Variants in ZSCAN29 observed in about 807,000 individuals in gnomAD.
The protein encoded by ZSCAN29 is zinc finger and SCAN domain containing 29.
ZSCAN29 carries 55 observed loss-of-function variants against 71.9 expected under a neutral mutation model. That is an observed-to-expected ratio of 0.76 (90% CI 0.62 to 0.96). ZSCAN29 has a LOEUF of 0.96. Among genes scored for constraint, ZSCAN29 ranks in the 40% least tolerant of loss-of-function variants. ZSCAN29 has a pLI of 0.00. For synonymous variants in ZSCAN29, 351 were observed against 371.6 expected (o/e 0.94, Z 0.64); for missense variants, 1,042 against 1,042.2 (o/e 1.00, Z 0.00).
rs1255516647 is a variant in ZSCAN29, at chr15:43,368,913, T to A, written c.523+10A>T. Reference sequence around the variant, plus strand: ...GGCAGTCTATCTTCCCATATGAATCTACTCCTCACCGCTCCTTTGAAAAGG... The same window carrying A: ...GGCAGTCTATCTTCCCATATGAATCAACTCCTCACCGCTCCTTTGAAAAGG... On this transcript the variant is annotated intron_variant, in intron 3 of 5. Coordinates refer to ENST00000684362, the MANE Select transcript of ZSCAN29 (RefSeq NM_001372080.1). 3.2e-6 allele frequency: 5 copies of A among 1,585,048 alleles called. No individual in the cohort carries two copies. Among genetic ancestry groups the A allele is most frequent in the African/African-American group, 1.4e-5 (1 of 74,002 alleles).
In ZSCAN29 at chr15:43,370,993, G is replaced by GCCCCGGCCCCGA. The variant is rs1400459631; in HGVS notation, c.-549_-548insTCGGGGCCGGGG. ...GACCCTGACCCCGGCCCCGGCCCCG[G>GCCCCGGCCCCGA]CCCCGGCCCCGGCTCTCCAGCCTCC... On this transcript the variant is annotated 5_prime_UTR_variant, in exon 1 of 6. Transcript: ENST00000684362. 3.1e-6 allele frequency: 1 copy of GCCCCGGCCCCGA among 325,564 alleles called. No individual in the cohort carries two copies. The highest frequency in any genetic ancestry group is 7.4e-5 in the East Asian group (1 of 13,478). The allele number at this position is 325,564 out of a possible 1,614,324, so 20.2% of individuals were successfully genotyped here.
At chr15:43,367,122 C>T (rs17780818) in intron 3 of ZSCAN29, among the ~76,000 whole-genome samples, 2,233 of 152,342 alleles carry the variant, frequency 0.015, 21 homozygotes, top group Non-Finnish European at 0.024. Flanking sequence ...TTGTTCTTCA[C>T]TTGGGGCTAC....
Position 43,366,095 on chromosome 15 carries a change from AGAAAAGCTTCTT to A in ZSCAN29, c.1222+3_1222+14del. ...CAAGTCTAATTCCAAAACTCCAAGA[AGAAAAGCTTCTT>A]ACCACCTGGGCTTCTGAACACAACA... On this transcript the variant is annotated splice_donor_5th_base_variant and intron_variant, in intron 4 of 5. Transcript: ENST00000684362. 6.3e-7 allele frequency: 1 copy of A among 1,576,760 alleles called. No homozygotes were observed. Among genetic ancestry groups the A allele is most frequent in the Non-Finnish European group, 8.6e-7 (1 of 1,161,804 alleles).
chr15:43,369,362 T>A lies in ZSCAN29; in HGVS notation c.318+234A>T, dbSNP rs562096574. The A allele has an allele frequency of 1.3e-4, 74 of 560,518 alleles. 1 individual carries two copies. In the South Asian group the frequency reaches 1.9e-3, roughly 15 times the overall value. 34.7% of individuals were successfully genotyped at this position (560,518 alleles called of 1,614,324 possible). ...CCACCTTCAGGCTGAAAAAAAAAAA[T>A]CCCCTTTCTTCCCTATTAAGAAACT... is the stretch of plus-strand genomic sequence containing the variant. On this transcript the variant is annotated intron_variant, in intron 2 of 5. Transcript: ENST00000684362.
At position 43,370,874 on chromosome 15, in the gene ZSCAN29, C is replaced by G. The variant is rs1282843574; in HGVS notation, c.-429G>C. The G allele has an allele frequency of 5.8e-6, 1 of 173,708 alleles. No homozygotes were observed. The highest frequency in any genetic ancestry group is 1.2e-5 in the Non-Finnish European group (1 of 80,598). 10.8% of individuals were successfully genotyped at this position (173,708 alleles called of 1,614,324 possible). On this transcript the variant is annotated 5_prime_UTR_variant, in exon 1 of 6. Transcript: ENST00000684362. ...CCCGGCTAAGGCGCCCTGAGGGCGC[C>G]CTCCAGCCCACCCCTGGGAGCGTCT...
At chr15:43,363,113 G>C (rs1452200822) in intron 5 of ZSCAN29, among the ~76,000 whole-genome samples, 1 of 152,096 alleles carries the variant, frequency 6.6e-6, no homozygotes. Context: ...AAGTAGCTGG[G>C]ATTACAGGTG....
chr15:43,361,032 T>C lies in ZSCAN29; in HGVS notation c.*41A>G. On this transcript the variant is annotated 3_prime_UTR_variant, in exon 6 of 6. Coordinates refer to ENST00000684362, the MANE Select transcript of ZSCAN29 (RefSeq NM_001372080.1). ...CACTATTGGAAGACTTTCTAAACAA[T>C]ACATTTATTGAGCCTCTTTCCGTTA... 6.5e-7 allele frequency: 1 copy of C among 1,532,498 alleles called. No individual in the cohort carries two copies. The highest frequency in any genetic ancestry group is 8.8e-7 in the Non-Finnish European group (1 of 1,141,390). 94.9% of individuals were successfully genotyped at this position (1,532,498 alleles called of 1,614,324 possible). A position where few individuals can be genotyped will look rare whatever the true frequency, so the allele number is the denominator to read the frequency against.
intron 3 of ZSCAN29, among the ~76,000 whole-genome samples, chr15:43,367,848 T>C (rs1172589489): frequency 6.6e-6 from 1 of 152,206 alleles, no homozygotes; most frequent in Non-Finnish European, 1.5e-5. Context: ...GAGAAGGCTA[T>C]TGTCTTGGAT....
At chr15:43,362,021 A>C in intron 5 of ZSCAN29, 80 bp from the exon 6 acceptor site, 1 of 1,420,348 alleles carries the variant, frequency 7.0e-7, no homozygotes, top group Non-Finnish European at 9.5e-7. Context: ...GGGAAAAACA[A>C]GCATTACACC....
At position 43,366,403 on chromosome 15, in the gene ZSCAN29, CGATAGCTCTTCT is replaced by C. The variant is rs779109099; in HGVS notation, c.917_928del (p.Gln306_Tyr309del). Reference sequence around the variant, plus strand: ...AGGTGGGTGGCCGCTCTTGACTTTCCGATAGCTCTTCTGGAGACCTTTGAACTTGGTCCGACA... The same window carrying C: ...AGGTGGGTGGCCGCTCTTGACTTTCCGGAGACCTTTGAACTTGGTCCGACA... On this transcript the variant is annotated inframe_deletion, in exon 4 of 6. Coordinates refer to ENST00000684362, the MANE Select transcript of ZSCAN29 (RefSeq NM_001372080.1). 1.2e-6 allele frequency: 2 copies of C among 1,614,136 alleles called. No homozygotes were observed. The highest frequency in any genetic ancestry group is 1.7e-6 in the Non-Finnish European group (2 of 1,180,026).
At position 43,370,989 on chromosome 15, in the gene ZSCAN29, C is replaced by A. The variant is rs558118991; in HGVS notation, c.-544G>T. On this transcript the variant is annotated 5_prime_UTR_variant, in exon 1 of 6. Transcript: ENST00000684362. The stretch of plus-strand genomic sequence containing the variant: ...GTCCGACCCTGACCCCGGCCCCGGC[C>A]CCGGCCCCGGCCCCGGCTCTCCAGC... 9 of 323,402 alleles carry A rather than the reference C, an allele frequency of 2.8e-5. No individual in the cohort carries two copies. The East Asian group carries it at 6.8e-4, about 25-fold the overall frequency. 20.0% of individuals were successfully genotyped at this position (323,402 alleles called of 1,614,324 possible). A position where few individuals can be genotyped will look rare whatever the true frequency, so the allele number is the denominator to read the frequency against.
rs759568097 is a variant in ZSCAN29 at position 43,361,194 on chromosome 15, G to A, written c.2438C>T (p.Thr813Ile). 4 of 1,614,198 alleles carry A rather than the reference G, an allele frequency of 2.5e-6. No homozygotes were observed. The highest frequency in any genetic ancestry group is 2.2e-5 in the South Asian group (2 of 91,086). Reference protein sequence around the residue: ...SDLRAHHRTHTGEKPYGCHDC... With the variant: ...SDLRAHHRTHIGEKPYGCHDC... ...ATGACACCCATAGGGTTTCTCTCCT[G>A]TGTGGGTTCTATGATGTGCACGTAA... Residue 813 changes from threonine (T) to isoleucine (I), a missense_variant, in exon 6 of 6, where the codon ACA (threonine) becomes ATA (isoleucine). Thr to Ile is a moderately conservative substitution (Grantham distance 89). Coordinates refer to ENST00000684362, the MANE Select transcript of ZSCAN29 (RefSeq NM_001372080.1).
Position 43,358,756 on chromosome 15 carries a change from A to G in ZSCAN29, c.*2317T>C, listed in dbSNP as rs1414574699. 6.6e-6 allele frequency: 1 copy of G among 152,188 alleles called. No individual in the cohort carries two copies. 9.4% of individuals were successfully genotyped at this position (152,188 alleles called of 1,614,324 possible). A position where few individuals can be genotyped will look rare whatever the true frequency, so the allele number is the denominator to read the frequency against. ...ATTTCTGACCTTTATCTCCCATAGGAGCTAGTCCCCTAAAACTGCTTATTC... is the reference window on the plus strand; with the variant it reads ...ATTTCTGACCTTTATCTCCCATAGGGGCTAGTCCCCTAAAACTGCTTATTC... On this transcript the variant is annotated 3_prime_UTR_variant, in exon 6 of 6. Transcript: ENST00000684362.
At position 43,366,346 on chromosome 15, in the gene ZSCAN29, G is replaced by A. The variant is rs2044037329; in HGVS notation, c.986C>T (p.Ala329Val). The change falls in exon 4 of 6, where the codon GCC becomes GTC. Residue 329 changes from alanine to valine, a missense_variant. Physicochemically the swap from Ala to Val is moderately conservative, Grantham distance 64 (BLOSUM62 0). Transcript: ENST00000684362. ...ETCPFFEEME[A>V]LMSAQVIALP... Reference sequence around the variant, plus strand: ...GGCAATGACCTGAGCACTCATCAGGGCTTCCATCTCTTCAAAGAAGGGGCA... The same window carrying A: ...GGCAATGACCTGAGCACTCATCAGGACTTCCATCTCTTCAAAGAAGGGGCA... The A allele has an allele frequency of 6.2e-7, 1 of 1,613,522 alleles. No individual in the cohort carries two copies. The highest frequency in any genetic ancestry group is 1.3e-5 in the African/African-American group (1 of 74,900).
chr15:43,364,853 C>A lies in ZSCAN29; in HGVS notation c.1223-471G>T, dbSNP rs899465244. Among the ~76,000 whole-genome samples, 10 of 144,436 alleles carry A rather than the reference C, an allele frequency of 6.9e-5. No homozygotes were observed. In the East Asian group the frequency reaches 2.0e-3, roughly 29 times the overall value. 94.8% of individuals were successfully genotyped at this position (144,436 alleles called of 152,430 possible). A position where few individuals can be genotyped will look rare whatever the true frequency, so the allele number is the denominator to read the frequency against. ...GAGGTTGCAGTGAGATGAGATCACA[C>A]CACTGCACTCCAGCCTGGACAACAA... On this transcript the variant is annotated intron_variant, in intron 4 of 5. Transcript: ENST00000684362.
Position 43,360,344 on chromosome 15 carries a change from GAA to G in ZSCAN29, c.*727_*728del. The stretch of plus-strand genomic sequence containing the variant: ...GGACGACAGAGTGAGACTCCATCTC[GAA>G]AAAAAAAAGCCCGGCGCAGTGGCTC... On this transcript the variant is annotated 3_prime_UTR_variant, in exon 6 of 6. Coordinates refer to ENST00000684362, the MANE Select transcript of ZSCAN29 (RefSeq NM_001372080.1). 1 of 129,452 alleles carries G rather than the reference GAA, an allele frequency of 7.7e-6. No homozygotes were observed. The highest frequency in any genetic ancestry group is 1.6e-5 in the Non-Finnish European group (1 of 62,192). The allele number at this position is 129,452 out of a possible 1,614,324, so 8.0% of individuals were successfully genotyped here. A position where few individuals can be genotyped will look rare whatever the true frequency, so the allele number is the denominator to read the frequency against.
At position 43,369,667 on chromosome 15, in the gene ZSCAN29, G is replaced by T. The variant is rs762255048; in HGVS notation, c.247C>A (p.Pro83Thr). The change falls in exon 2 of 6, where the codon CCA becomes ACA. Residue 83 changes from proline (P) to threonine (T), a missense_variant. Pro to Thr is a conservative substitution (Grantham distance 38). Coordinates refer to ENST00000684362, the MANE Select transcript of ZSCAN29 (RefSeq NM_001372080.1). ...EIQNWVQEQC[P>T]ENGEEAVTLV... ...GTCACTGCCTCCTCTCCATTTTCTG[G>T]ACATTGTTCCTGTACCCAATTCTGG... 3 of 1,613,980 alleles carry T rather than the reference G, an allele frequency of 1.9e-6. No homozygotes were observed. The highest frequency in any genetic ancestry group is 1.7e-6 in the Non-Finnish European group (2 of 1,179,954).
chr15:43,363,788 T>C, intron 5 of ZSCAN29, 127 bp downstream of exon 5: 1 of 874,784 alleles, frequency 1.1e-6, no homozygotes, highest in Non-Finnish European at 1.7e-6. Flanking sequence ...AGACAAGAAA[T>C]ATGGGTGGTC....
At position 43,366,627 on chromosome 15, in the gene ZSCAN29, G is replaced by GC. The variant is rs1456602878; in HGVS notation, c.704_705insG (p.His235GlnfsTer5). On this transcript the variant is annotated frameshift_variant, in exon 4 of 6. Transcript: ENST00000684362. LOFTEE classifies it high-confidence loss of function. The stretch of plus-strand genomic sequence containing the variant: ...CCACCTTCTCATCTTCAAAGCTCCA[G>GC]TGATCCTGTTCCACCCAGCTTCTTC... The GC allele has an allele frequency of 1.3e-5, 21 of 1,614,100 alleles. No homozygotes were observed. The highest frequency in any genetic ancestry group is 1.8e-5 in the Non-Finnish European group (21 of 1,180,058).
Sources: gnomAD v4.1 joint callset for allele counts (sites outside exome capture counted in the v4.1 genomes callset) on GRCh38, gnomAD v4.1.1 for gene constraint, MANE v1.5 for transcripts, NCBI Gene and HGNC (gene_info 2026-07-23, HGNC 2026-07-21) for gene names.